Variants in USP7 observed in about 807,000 individuals in gnomAD.
USP7 encodes the protein ubiquitin C-terminal hydrolase 7.
USP7 carries 9 observed loss-of-function variants against 162.9 expected under a neutral mutation model. The ratio of observed to expected loss-of-function variants is 0.06; its 90% CI spans 0.03 to 0.10. The LOEUF (loss-of-function observed/expected upper bound fraction) is 0.10. Ranked by LOEUF, USP7 falls within the 10% of genes least tolerant of loss-of-function variation. The pLI, the probability that USP7 is intolerant of heterozygous loss-of-function variation, is 1.00. For synonymous variants in USP7, 562 were observed against 475.9 expected (o/e 1.18, Z -2.35); for missense variants, 715 against 1,373.7 (o/e 0.52, Z 7.58).
At chr16:8,951,068 T>TA (rs1202670367) in intron 1 of USP7, among the ~76,000 whole-genome samples, 3 of 152,192 alleles carry the variant, frequency 2.0e-5, no homozygotes, top group Admixed American at 6.5e-5. Flanking sequence ...AAAACTAAGA[T>TA]AAAAAAGCCA....
chr16:8,897,464 G>T (rs1276481144), intron 25 of USP7, among the ~76,000 whole-genome samples: 1 of 151,968 alleles, frequency 6.6e-6, no homozygotes, highest in Non-Finnish European at 1.5e-5. Flanking sequence ...GGCAGACTGT[G>T]GGCCTTCAGG....
At chr16:8,900,957 T>C (rs747036799) in intron 20 of USP7, 33 bp downstream of exon 20, 10 of 1,605,478 alleles carry the variant, frequency 6.2e-6, no homozygotes, top group African/African-American at 4.0e-5. Context: ...CTACTAAGAA[T>C]ATACTAATTA....
At chr16:8,921,801 C>T (rs1897705085) in intron 3 of USP7, among the ~76,000 whole-genome samples, 1 of 152,174 alleles carries the variant, frequency 6.6e-6, no homozygotes, top group African/African-American at 2.4e-5. Flanking sequence ...AACTACTGTA[C>T]CTGCAGTGAA....
intron 10 of USP7, among the ~76,000 whole-genome samples, chr16:8,912,493 C>T (rs550147316): frequency 2.1e-4 from 32 of 149,642 alleles, no homozygotes; most frequent in African/African-American, 7.6e-4. Context: ...CATTACCAAG[C>T]ATGCAAAGAA....
At chr16:8,900,371 C>T (rs2061755669) in intron 21 of USP7, among the ~76,000 whole-genome samples, 159 bp downstream of exon 21, 1 of 152,046 alleles carries the variant, frequency 6.6e-6, no homozygotes. Context: ...TTCACCACAC[C>T]TAATTTCAAA....
intron 4 of USP7, 97 bp from the exon 5 acceptor site, chr16:8,920,544 AAAATACTTTTTTTTT>A (rs2141210276): frequency 3.0e-6 from 3 of 1,003,504 alleles, no homozygotes; most frequent in East Asian, 5.4e-5. Flanking sequence ...AATAGAGATG[AAAATACTTTTTTTTT>A]AAATACATCC....
chr16:8,925,708 G>A (rs1185027668), intron 2 of USP7, among the ~76,000 whole-genome samples: 2 of 152,246 alleles, frequency 1.3e-5, no homozygotes, highest in East Asian at 3.9e-4. Flanking sequence ...TTCACAATTA[G>A]TGCACTGCAC....
intron 4 of USP7, 29 bp from the exon 5 acceptor site, chr16:8,920,476 T>C (rs764125496): frequency 2.9e-5 from 46 of 1,581,260 alleles, no homozygotes; most frequent in Non-Finnish European, 3.9e-5. Context: ...AATATCCAGC[T>C]TGAATAAGAA....
In USP7 at chr16:8,900,628, T is replaced by C; in HGVS notation, c.2211A>G (p.Glu737=). The C allele has an allele frequency of 6.2e-7, 1 of 1,604,026 alleles. No homozygotes were observed. Among genetic ancestry groups the C allele is most frequent in the East Asian group, 2.2e-5 (1 of 44,788 alleles). ...TTCTCTCTGTTAAATTCGGTTTAAC[T>C]TCCTACAGTGAAAGATATAAAATTG... ...IQDTSLILYE[E]VKPNLTERIQ... Residue 737 remains glutamate (E), a splice_region_variant and synonymous_variant, in exon 21 of 31, where the codon GAA becomes GAG. Coordinates refer to ENST00000344836, the MANE Select transcript of USP7 (RefSeq NM_003470.3).
intron 26 of USP7, among the ~76,000 whole-genome samples, chr16:8,896,403 A>G (rs551132306): frequency 2.2e-4 from 34 of 152,254 alleles, no homozygotes; most frequent in Admixed American, 5.2e-4. Context: ...CTCACTGTTT[A>G]ATAATTGTTT....
At position 8,930,380 on chromosome 16, in the gene USP7, G is replaced by A. The variant is rs759508713; in HGVS notation, c.97C>T (p.Pro33Ser). ...MEMEAGDTDD[P>S]PRITQNPVIN... ...ACAGGGTTCTGAGTAATTCTTGGTG[G>A]GTCATCTGTATCTCCCGCTTTAAAG... Residue 33 changes from proline to serine, a missense_variant, in exon 2 of 31, where the codon CCA (proline) becomes TCA (serine). Physicochemically the swap from Pro to Ser is moderately conservative, Grantham distance 74. Transcript: ENST00000344836. The A allele has an allele frequency of 7.5e-6, 12 of 1,609,838 alleles. No homozygotes were observed. The highest frequency in any genetic ancestry group is 1.7e-5 in the Admixed American group (1 of 59,456).
At chr16:8,931,855 T>G (rs1898364666) in intron 1 of USP7, among the ~76,000 whole-genome samples, 2 of 152,230 alleles carry the variant, frequency 1.3e-5, no homozygotes. Flanking sequence ...TCACTGCAAC[T>G]AATGCTGGCC....
At chr16:8,929,355 C>A (rs1258106279) in intron 2 of USP7, 3 of 401,230 alleles carry the variant, frequency 7.5e-6, no homozygotes, top group Non-Finnish European at 1.5e-5. Context: ...CGGGTTTAGA[C>A]CACGCCTCTT....
At chr16:8,947,390 C>G (rs953885728) in intron 1 of USP7, among the ~76,000 whole-genome samples, 1 of 152,062 alleles carries the variant, frequency 6.6e-6, no homozygotes, top group African/African-American at 2.4e-5. Context: ...CTCTTATCAC[C>G]CAGGCCGAAG....
intron 6 of USP7, 69 bp from the exon 7 acceptor site, chr16:8,917,225 T>C (rs969088260): frequency 8.0e-6 from 12 of 1,499,224 alleles, no homozygotes; most frequent in Non-Finnish European, 1.1e-5. Flanking sequence ...ACAGTAAGAA[T>C]TTAATCTTCA....
At chr16:8,929,425 T>G in intron 2 of USP7, 1 of 454,374 alleles carries the variant, frequency 2.2e-6, no homozygotes. Context: ...GTGAGAGAAC[T>G]CTCAACTACG....
rs2061653789 is a variant in USP7, at chr16:8,894,592, C to G, written c.3160G>C (p.Asp1054His). The change falls in exon 30 of 31, where the codon GAC (aspartate) becomes CAC (histidine). Residue 1054 changes from aspartate (D) to histidine (H), a missense_variant. Around this residue, in one of 11 missense-constraint regions of USP7, gnomAD observed 222 missense variants for 441.7 expected, o/e 0.50. Coordinates refer to ENST00000344836, the MANE Select transcript of USP7 (RefSeq NM_003470.3). Reference sequence around the variant, plus strand: ...TCTTTCAAATTTACTTCATACTCGTCTTCATTTATGTACTGGTGTCGGCCC... The same window carrying G: ...TCTTTCAAATTTACTTCATACTCGTGTTCATTTATGTACTGGTGTCGGCCC... ...MMGRHQYINE[D>H]EYEVNLKDFE... 1 of 1,613,678 alleles carries G rather than the reference C, an allele frequency of 6.2e-7. No individual in the cohort carries two copies. The highest frequency in any genetic ancestry group is 8.5e-7 in the Non-Finnish European group (1 of 1,180,030).
intron 23 of USP7, 126 bp from the exon 24 acceptor site, chr16:8,898,765 G>A (rs1393438703): frequency 1.4e-6 from 1 of 737,092 alleles, no homozygotes; most frequent in East Asian, 2.7e-5. Flanking sequence ...CTAGCATGGG[G>A]TTTAACTTAA....
intron 1 of USP7, among the ~76,000 whole-genome samples, chr16:8,942,630 C>G (rs1431150554): frequency 6.6e-6 from 1 of 152,176 alleles, no homozygotes; most frequent in Non-Finnish European, 1.5e-5. Flanking sequence ...TCACTGCAGC[C>G]ATGACCTCCC....
Sources: allele counts gnomAD v4.1 joint callset (sites outside exome capture counted in the v4.1 genomes callset), GRCh38; gene constraint gnomAD v4.1.1; regional missense constraint gnomAD v4.1.1; transcripts MANE v1.5; gene names NCBI Gene and HGNC (gene_info 2026-07-23, HGNC 2026-07-21).